Variants in FAM227B observed in about 807,000 individuals in gnomAD.
FAM227B encodes the protein protein FAM227B.
Under a neutral mutation model 73.8 loss-of-function variants are expected in FAM227B, and 88 were observed. The observed-to-expected ratio is 1.19, with a 90% CI of 1.00 to 1.42. The LOEUF is 1.42. Ranked by LOEUF, FAM227B falls within the 40% of genes most tolerant of loss-of-function variation. FAM227B has a pLI of 0.00. For missense variants in FAM227B, 632 were observed against 590.9 expected (o/e 1.07, Z -0.72); for synonymous variants, 210 against 190.5 (o/e 1.10, Z -0.84).
intron 8 of FAM227B, among the ~76,000 whole-genome samples, chr15:49,573,347 A>T (rs1264967769): frequency 1.3e-5 from 2 of 152,186 alleles, no homozygotes; most frequent in Non-Finnish European, 2.9e-5. Context: ...GAATGTAGTT[A>T]ATCTTAGCAA....
chr15:49,534,935 G>A (rs2060897605), intron 10 of FAM227B, among the ~76,000 whole-genome samples: 1 of 151,522 alleles, frequency 6.6e-6, no homozygotes, highest in African/African-American at 2.4e-5. Flanking sequence ...GTGGGATGCA[G>A]CAAATGGAGT....
At chr15:49,437,689 G>C (rs1475847431) in intron 11 of FAM227B, among the ~76,000 whole-genome samples, 2 of 151,626 alleles carry the variant, frequency 1.3e-5, no homozygotes, top group African/African-American at 4.8e-5. Flanking sequence ...CCAGCAATTA[G>C]AATACTATTT....
chr15:49,530,840 A>G (rs1211969207), intron 10 of FAM227B, among the ~76,000 whole-genome samples: 1 of 148,830 alleles, frequency 6.7e-6, no homozygotes, highest in East Asian at 2.0e-4. Flanking sequence ...AGTGCAACAC[A>G]TATTAAAACT....
At chr15:49,538,421 G>A (rs2152260482) in intron 10 of FAM227B, among the ~76,000 whole-genome samples, 1 of 152,242 alleles carries the variant, frequency 6.6e-6, no homozygotes, top group Non-Finnish European at 1.5e-5. Context: ...GAAGGTGAAA[G>A]CATTGACTCA....
intron 13 of FAM227B, among the ~76,000 whole-genome samples, chr15:49,340,016 C>T (rs987957152): frequency 2.0e-5 from 3 of 152,084 alleles, no homozygotes; most frequent in Non-Finnish European, 4.4e-5. Context: ...TGTGCTGGCA[C>T]GAGAATTTCA....
chr15:49,384,361 A>G (rs1036609290), intron 11 of FAM227B, among the ~76,000 whole-genome samples: 1 of 152,042 alleles, frequency 6.6e-6, no homozygotes, highest in African/African-American at 2.4e-5. Context: ...CATTCATTAC[A>G]AAAGTGCCTA....
chr15:49,535,077 A>C (rs1382925707), intron 10 of FAM227B, among the ~76,000 whole-genome samples: 1 of 151,820 alleles, frequency 6.6e-6, no homozygotes, highest in Non-Finnish European at 1.5e-5. Flanking sequence ...GGAAGGAAAT[A>C]ACAAAAAACA....
chr15:49,613,014 T>C (rs1411783726), intron 2 of FAM227B, among the ~76,000 whole-genome samples: 1 of 151,652 alleles, frequency 6.6e-6, no homozygotes, highest in Non-Finnish European at 1.5e-5. Context: ...AGAAGGGTAG[T>C]GGGAAGTGAG....
At chr15:49,384,118 C>T (rs756369058) in intron 11 of FAM227B, among the ~76,000 whole-genome samples, 3 of 152,028 alleles carry the variant, frequency 2.0e-5, no homozygotes, top group Non-Finnish European at 2.9e-5. Context: ...CAAGGTAGGA[C>T]TTCTCTTTAG....
chr15:49,328,305 T>TA lies in FAM227B; in HGVS notation c.*262_*263insT. 3 of 1,437,352 alleles carry TA rather than the reference T, an allele frequency of 2.1e-6. No homozygotes were observed. Among genetic ancestry groups the TA allele is most frequent in the Non-Finnish European group, 2.7e-6 (3 of 1,099,208 alleles). The allele number at this position is 1,437,352 out of a possible 1,614,324, so 89.0% of individuals were successfully genotyped here. A position where few individuals can be genotyped will look rare whatever the true frequency, so the allele number is the denominator to read the frequency against. The stretch of plus-strand genomic sequence containing the variant: ...CAAGATATATTTTCAAAGAAATGGT[T>TA]GAAAGCTCTCTATGCTTCATAATGA... On this transcript the variant is annotated 3_prime_UTR_variant, in exon 16 of 16. Coordinates refer to ENST00000299338, the MANE Select transcript of FAM227B (RefSeq NM_152647.3).
chr15:49,361,381 G>A (rs1323090562), intron 13 of FAM227B, among the ~76,000 whole-genome samples: 1 of 151,832 alleles, frequency 6.6e-6, no homozygotes, highest in Non-Finnish European at 1.5e-5. Context: ...GCAGTTTTTT[G>A]ATCCTCACCC....
chr15:49,366,121 G>C, intron 13 of FAM227B: 1 of 978,158 alleles, frequency 1.0e-6, no homozygotes, highest in Non-Finnish European at 1.7e-6. Flanking sequence ...GTCCACTCCA[G>C]TATCCACCTA....
chr15:49,332,225 T>G (rs1017944993), intron 14 of FAM227B, among the ~76,000 whole-genome samples: 4 of 152,112 alleles, frequency 2.6e-5, no homozygotes, highest in Non-Finnish European at 5.9e-5. Context: ...CAGTGGCACA[T>G]CCTCTTCAGT....
chr15:49,584,652 C>A (rs2076034119), intron 5 of FAM227B, among the ~76,000 whole-genome samples: 1 of 152,142 alleles, frequency 6.6e-6, no homozygotes. Flanking sequence ...TAAACAACTT[C>A]AGCGAAGTCT....
chr15:49,568,448 G>T, intron 8 of FAM227B, 102 bp from the exon 9 acceptor site: 1 of 914,650 alleles, frequency 1.1e-6, no homozygotes. Context: ...CAGATCAATT[G>T]GTACAGGAGA....
At chr15:49,479,112 A>G (rs779677100) in intron 11 of FAM227B, among the ~76,000 whole-genome samples, 16 of 152,218 alleles carry the variant, frequency 1.1e-4, no homozygotes, top group Non-Finnish European at 2.2e-4. Flanking sequence ...TTTAGGGCAT[A>G]GTCTCTAGTG....
intron 11 of FAM227B, chr15:49,484,307 C>T (rs1227261444): frequency 3.8e-6 from 6 of 1,583,292 alleles, no homozygotes; most frequent in African/African-American, 1.3e-5. Flanking sequence ...TTTGTTTTAA[C>T]AGAAAGAATG....
intron 10 of FAM227B, among the ~76,000 whole-genome samples, chr15:49,511,331 C>T (rs1306797235): frequency 2.0e-5 from 3 of 151,528 alleles, no homozygotes; most frequent in Admixed American, 2.0e-4. Context: ...TAGCTATCAT[C>T]TTATATATTT....
At chr15:49,490,037 T>C (rs2056948812) in intron 11 of FAM227B, among the ~76,000 whole-genome samples, 1 of 149,924 alleles carries the variant, frequency 6.7e-6, no homozygotes, top group Non-Finnish European at 1.5e-5. Context: ...AAGATTCTAA[T>C]GTGCCTCTGC....
Sources: allele counts gnomAD v4.1 joint callset (sites outside exome capture counted in the v4.1 genomes callset), GRCh38; gene constraint gnomAD v4.1.1; transcripts MANE v1.5; gene names NCBI Gene and HGNC (gene_info 2026-07-23, HGNC 2026-07-21).